LBH: variants seen among roughly 807,000 people sequenced by gnomAD.
The protein encoded by LBH is LBH regulator of Wnt signaling pathway.
A neutral mutation model predicts 12.5 loss-of-function variants in LBH; 7 were observed. The observed-to-expected ratio is 0.56, with a 90% CI of 0.32 to 1.05. The LOEUF is 1.05. LBH is among the 50% of genes least tolerant of loss of function. The pLI, the probability that LBH is intolerant of heterozygous loss-of-function variation, is 0.04. For synonymous variants in LBH, 51 were observed against 50.1 expected (o/e 1.02, Z -0.08); for missense variants, 119 against 138.9 (o/e 0.86, Z 0.72).
chr2:30,239,357 G>A (rs931739488), intron 2 of LBH, among the ~76,000 whole-genome samples: 1 of 152,114 alleles, frequency 6.6e-6, no homozygotes, highest in Non-Finnish European at 1.5e-5. Flanking sequence ...ACCAGCTCAC[G>A]AGGCCATTCT....
At chr2:30,250,204 T>C (rs1234801856) in intron 2 of LBH, among the ~76,000 whole-genome samples, 1 of 152,172 alleles carries the variant, frequency 6.6e-6, no homozygotes, top group Non-Finnish European at 1.5e-5. Flanking sequence ...GGTAGAAGCT[T>C]ACTGTGTGGT....
chr2:30,249,717 G>A (rs2103561508), intron 2 of LBH, among the ~76,000 whole-genome samples: 1 of 152,348 alleles, frequency 6.6e-6, no homozygotes, highest in South Asian at 2.1e-4. Flanking sequence ...CCTGTCCCAA[G>A]CCACAGCTGT....
chr2:30,232,493 T>G, intron 1 of LBH: 1 of 350,880 alleles, frequency 2.8e-6, no homozygotes, highest in Non-Finnish European at 5.2e-6. Context: ...GGCAGGCCCC[T>G]GACTGCTGGG....
chr2:30,239,944 CTG>C (rs1259510630), intron 2 of LBH, among the ~76,000 whole-genome samples: 1 of 152,198 alleles, frequency 6.6e-6, no homozygotes, highest in Non-Finnish European at 1.5e-5. Context: ...AACAGTGAGT[CTG>C]TAGCCTGGTC....
chr2:30,250,658 A>C (rs1398228731), intron 2 of LBH, among the ~76,000 whole-genome samples: 1 of 151,738 alleles, frequency 6.6e-6, no homozygotes, highest in Non-Finnish European at 1.5e-5. Context: ...CCGGTCCCTA[A>C]ATTTGGGGCC....
At chr2:30,249,514 T>TAGA in intron 2 of LBH, among the ~76,000 whole-genome samples, 1 of 151,926 alleles carries the variant, frequency 6.6e-6, no homozygotes, top group South Asian at 2.1e-4. Context: ...AAGGAGGAGG[T>TAGA]AGAAGAAGAG....
intron 2 of LBH, among the ~76,000 whole-genome samples, chr2:30,241,616 T>C (rs913014518): frequency 2.6e-5 from 4 of 151,952 alleles, no homozygotes; most frequent in African/African-American, 4.8e-5. Context: ...CGTGCCACCA[T>C]GCCGGGCTAA....
At position 30,257,750 on chromosome 2, in the gene LBH, A is replaced by G; in HGVS notation, c.*129A>G. The G allele has an allele frequency of 1.6e-6, 1 of 633,102 alleles. No individual in the cohort carries two copies. The allele number at this position is 633,102 out of a possible 1,614,324, so 39.2% of individuals were successfully genotyped here. ...ATGTCAAACGAGGCTTCTGTTTTGC[A>G]CCTGCAGATCACCGAGTTGGTTTTC... On this transcript the variant is annotated 3_prime_UTR_variant, in exon 3 of 3. Transcript: ENST00000395323.
At chr2:30,237,144 C>T (rs575860810) in intron 2 of LBH, among the ~76,000 whole-genome samples, 2 of 152,298 alleles carry the variant, frequency 1.3e-5, no homozygotes, top group East Asian at 3.9e-4. Flanking sequence ...GAGCTCTGTT[C>T]TTGGCATTCC....
intron 2 of LBH, among the ~76,000 whole-genome samples, chr2:30,252,826 G>A (rs1334908110): frequency 6.6e-6 from 1 of 152,236 alleles, no homozygotes; most frequent in African/African-American, 2.4e-5. Context: ...GGCTGGCAGA[G>A]GGAGGAAGGT....
At chr2:30,248,356 G>T (rs1224543003) in intron 2 of LBH, among the ~76,000 whole-genome samples, 1 of 152,216 alleles carries the variant, frequency 6.6e-6, no homozygotes, top group African/African-American at 2.4e-5. Flanking sequence ...GGGCAGGGCT[G>T]CAAGGAAGGC....
At chr2:30,253,632 G>C (rs750374754) in intron 2 of LBH, among the ~76,000 whole-genome samples, 78 of 152,106 alleles carry the variant, frequency 5.1e-4, no homozygotes, top group African/African-American at 1.8e-3. Flanking sequence ...TGGAGCTCTC[G>C]GTATGAATGG....
chr2:30,233,938 T>G (rs577242109), intron 1 of LBH, among the ~76,000 whole-genome samples: 21 of 152,260 alleles, frequency 1.4e-4, no homozygotes, highest in African/African-American at 4.8e-4. Context: ...CCAGTTGACC[T>G]GTTATTGTTA....
At chr2:30,238,847 C>T (rs902326453) in intron 2 of LBH, among the ~76,000 whole-genome samples, 8 of 151,126 alleles carry the variant, frequency 5.3e-5, no homozygotes, top group African/African-American at 1.9e-4. Flanking sequence ...TCTCTCAGGT[C>T]CCAAATAGCC....
chr2:30,240,591 G>A lies in LBH; in HGVS notation c.129+6084G>A, dbSNP rs567412378. On this transcript the variant is annotated intron_variant, in intron 2 of 2. Transcript: ENST00000395323. ...CTCAAGCGCAGCTCAGGAAGATATC[G>A]TTATCAGCACATCAAATCCTCTGCT... Among the ~76,000 whole-genome samples, 86 of 152,250 alleles carry A rather than the reference G, an allele frequency of 5.6e-4. 1 individual carries two copies. Among genetic ancestry groups the A allele is most frequent in the African/African-American group, 1.9e-3 (79 of 41,538 alleles).
At chr2:30,235,865 A>G (rs1677679023) in intron 2 of LBH, among the ~76,000 whole-genome samples, 1 of 152,096 alleles carries the variant, frequency 6.6e-6, no homozygotes, top group Admixed American at 6.6e-5. Context: ...GTCTTGAAAT[A>G]AGTAGCCATT....
chr2:30,244,441 A>G, intron 2 of LBH, among the ~76,000 whole-genome samples: 1 of 152,208 alleles, frequency 6.6e-6, no homozygotes, highest in East Asian at 1.9e-4. Flanking sequence ...GAGGGTTTTC[A>G]GGAAATCCAT....
chr2:30,239,588 G>A (rs934143745), intron 2 of LBH, among the ~76,000 whole-genome samples: 1 of 152,154 alleles, frequency 6.6e-6, no homozygotes, highest in Non-Finnish European at 1.5e-5. Context: ...AGAACATTTG[G>A]CAGGAGGCAT....
At chr2:30,246,598 G>A (rs774058812) in intron 2 of LBH, among the ~76,000 whole-genome samples, 2 of 152,156 alleles carry the variant, frequency 1.3e-5, no homozygotes, top group African/African-American at 2.4e-5. Flanking sequence ...TAGTTTAATA[G>A]AAGACTAGGC....
Sources: allele counts gnomAD v4.1 joint callset (sites outside exome capture counted in the v4.1 genomes callset), GRCh38; gene constraint gnomAD v4.1.1; transcripts MANE v1.5; gene names NCBI Gene and HGNC (gene_info 2026-07-23, HGNC 2026-07-21).